The following SGMS1 variants were observed in gnomAD, a reference collection of about 807,000 sequenced individuals.
SGMS1 encodes the protein phosphatidylcholine:ceramide cholinephosphotransferase 1.
In SGMS1, 13 loss-of-function variants were observed where a neutral mutation model predicts 46.2. The observed-to-expected ratio is 0.28, with a 90% CI of 0.18 to 0.45. The LOEUF is 0.45. SGMS1 is among the 20% of genes least tolerant of loss of function. SGMS1 has a pLI of 1.00. For missense variants in SGMS1, 324 were observed against 519.9 expected (o/e 0.62, Z 3.66); for synonymous variants, 203 against 187.8 (o/e 1.08, Z -0.66).
intron 3 of SGMS1, among the ~76,000 whole-genome samples, chr10:50,477,120 T>TA (rs1329501035): frequency 6.6e-6 from 1 of 152,220 alleles, no homozygotes; most frequent in African/African-American, 2.4e-5. Context: ...GCAGGCACTC[T>TA]ATGCCAGTCT....
chr10:50,502,026 G>C (rs1010310508), intron 3 of SGMS1, among the ~76,000 whole-genome samples: 7 of 152,146 alleles, frequency 4.6e-5, no homozygotes, highest in African/African-American at 1.7e-4. Flanking sequence ...TGTGGACAGA[G>C]ACTATGTTTC....
intron 2 of SGMS1, among the ~76,000 whole-genome samples, chr10:50,533,841 G>A (rs555901649): frequency 1.4e-4 from 21 of 152,248 alleles, no homozygotes; most frequent in Non-Finnish European, 2.8e-4. Flanking sequence ...TGAACACATG[G>A]TTAAATGAAC....
intron 2 of SGMS1, among the ~76,000 whole-genome samples, chr10:50,549,334 A>G (rs10826171): frequency 0.13 from 20,417 of 152,242 alleles, 1,737 homozygotes; most frequent in East Asian, 0.35. Flanking sequence ...GAAAATGTAC[A>G]TATACACCAT....
At chr10:50,426,900 A>T (rs1329607521) in intron 6 of SGMS1, among the ~76,000 whole-genome samples, 1 of 152,224 alleles carries the variant, frequency 6.6e-6, no homozygotes, top group African/African-American at 2.4e-5. Flanking sequence ...AACAACTCCA[A>T]ATTATTCCAA....
At position 50,460,729 on chromosome 10, in the gene SGMS1, T is replaced by C. The variant is rs1040830314; in HGVS notation, c.-369A>G. 2 of 152,362 alleles carry C rather than the reference T, an allele frequency of 1.3e-5. No individual in the cohort carries two copies. Among genetic ancestry groups the C allele is most frequent in the Non-Finnish European group, 2.9e-5 (2 of 68,034 alleles). The allele number at this position is 152,362 out of a possible 1,614,324, so 9.4% of individuals were successfully genotyped here. A position where few individuals can be genotyped will look rare whatever the true frequency, so the allele number is the denominator to read the frequency against. ...AGGTTCCTTTAAAAGTATTCTCAGGTACGCTTGCTGAGGCAGGTTCTCGTC... is the reference window on the plus strand; with the variant it reads ...AGGTTCCTTTAAAAGTATTCTCAGGCACGCTTGCTGAGGCAGGTTCTCGTC... On this transcript the variant is annotated 5_prime_UTR_variant, in exon 5 of 11. Coordinates refer to ENST00000361781, the MANE Select transcript of SGMS1 (RefSeq NM_147156.4).
At chr10:50,418,847 C>T (rs1278017431) in intron 6 of SGMS1, among the ~76,000 whole-genome samples, 8 of 152,134 alleles carry the variant, frequency 5.3e-5, no homozygotes, top group Non-Finnish European at 1.0e-4. Flanking sequence ...AAATGCCCAC[C>T]TAACAGTTTA....
At chr10:50,558,653 C>T (rs1838208626) in intron 2 of SGMS1, among the ~76,000 whole-genome samples, 1 of 152,292 alleles carries the variant, frequency 6.6e-6, no homozygotes, top group South Asian at 2.1e-4. Context: ...TCCACTTATA[C>T]ACAGATTTTC....
chr10:50,414,343 T>A (rs1849139473), intron 6 of SGMS1, among the ~76,000 whole-genome samples: 1 of 152,162 alleles, frequency 6.6e-6, no homozygotes, highest in Non-Finnish European at 1.5e-5. Flanking sequence ...TGAGTCGAGA[T>A]CATGATGCTG....
chr10:50,541,388 AT>A (rs747930661), intron 2 of SGMS1, among the ~76,000 whole-genome samples: 39 of 152,300 alleles, frequency 2.6e-4, no homozygotes, highest in Non-Finnish European at 4.6e-4. Context: ...AGTACTGTAC[AT>A]TACTGCCTTG....
intron 2 of SGMS1, among the ~76,000 whole-genome samples, chr10:50,525,673 C>T (rs1226394082): frequency 1.3e-5 from 2 of 152,102 alleles, no homozygotes; most frequent in Non-Finnish European, 2.9e-5. Flanking sequence ...ACGAAATTCC[C>T]AGAGAAAGTT....
rs1263864468 is a variant in SGMS1 at position 50,343,653 on chromosome 10, C to T, written c.462G>A (p.Ser154=). 6 of 1,613,926 alleles carry T rather than the reference C, an allele frequency of 3.7e-6. No individual in the cohort carries two copies. Among genetic ancestry groups the T allele is most frequent in the African/African-American group, 2.7e-5 (2 of 74,862 alleles). ...SCFVLTTVMI[S]VVHERVPPKE... ...TAGGAGGTACTCGTTCGTGGACGACCGAGATCATCACTGTGGTGAGAACGA... is the reference window on the plus strand; with the variant it reads ...TAGGAGGTACTCGTTCGTGGACGACTGAGATCATCACTGTGGTGAGAACGA... The change falls in exon 7 of 11, where the codon TCG becomes TCA. Residue 154 remains serine (S), a synonymous_variant. Transcript: ENST00000361781.
intron 3 of SGMS1, among the ~76,000 whole-genome samples, chr10:50,493,705 G>GA (rs145224963): frequency 0.024 from 3,571 of 145,836 alleles, 147 homozygotes; most frequent in African/African-American, 0.083. Flanking sequence ...ACAATCATAT[G>GA]AAAAAAAAAA....
At chr10:50,386,205 A>C (rs1460435743) in intron 6 of SGMS1, among the ~76,000 whole-genome samples, 1 of 152,224 alleles carries the variant, frequency 6.6e-6, no homozygotes, top group Non-Finnish European at 1.5e-5. Flanking sequence ...AGACTTCTCC[A>C]TCAGTCTGCA....
At chr10:50,624,643 G>T (rs1838900801), upstream of SGMS1, 2 of 985,332 alleles carry the variant, frequency 2.0e-6, no homozygotes, top group African/African-American at 3.5e-5. Context: ...CGAAAACCCG[G>T]AGAGCGGCTA....
At chr10:50,323,099 A>G (rs1847475812) in intron 8 of SGMS1, among the ~76,000 whole-genome samples, 1 of 152,166 alleles carries the variant, frequency 6.6e-6, no homozygotes, top group African/African-American at 2.4e-5. Context: ...TGGGAAGCCT[A>G]CTTTTCCTCA....
chr10:50,624,774 G>C, upstream of SGMS1: 5 of 986,292 alleles, frequency 5.1e-6, no homozygotes, highest in Non-Finnish European at 6.0e-6. Context: ...ACAGCGGGGA[G>C]AGCTGGCCTT....
intron 5 of SGMS1, among the ~76,000 whole-genome samples, chr10:50,452,419 A>G (rs1837121598): frequency 1.3e-5 from 2 of 152,220 alleles, no homozygotes; most frequent in African/African-American, 2.4e-5. Context: ...TTAGAAGCAC[A>G]TACTAAAACA....
intron 2 of SGMS1, among the ~76,000 whole-genome samples, chr10:50,572,571 A>G (rs924827959): frequency 2.6e-5 from 4 of 152,170 alleles, no homozygotes; most frequent in African/African-American, 9.7e-5. Flanking sequence ...CCACCCCAGC[A>G]GCTACACAAT....
intron 3 of SGMS1, among the ~76,000 whole-genome samples, chr10:50,510,807 CT>C (rs1837747084): frequency 6.6e-6 from 1 of 152,094 alleles, no homozygotes; most frequent in Non-Finnish European, 1.5e-5. Context: ...TCAGATTTCA[CT>C]AGTTTTTACA....
Sources: allele counts gnomAD v4.1 joint callset (sites outside exome capture counted in the v4.1 genomes callset), GRCh38; gene constraint gnomAD v4.1.1; transcripts MANE v1.5; gene names NCBI Gene and HGNC (gene_info 2026-07-23, HGNC 2026-07-21).